The following FANCE variants were observed in gnomAD, a reference collection of about 807,000 sequenced individuals.
The protein encoded by FANCE is Fanconi anemia group E protein.
FANCE carries 42 observed loss-of-function variants against 57.8 expected under a neutral mutation model. The observed-to-expected ratio is 0.73, with a 90% CI of 0.57 to 0.94. The LOEUF (loss-of-function observed/expected upper bound fraction) is 0.94, where lower values mean the gene tolerates loss of function less well. Among genes scored for constraint, FANCE ranks in the 40% least tolerant of loss-of-function variants. The pLI is 0.00. For synonymous variants in FANCE, 251 were observed against 286.4 expected (o/e 0.88, Z 1.25); for missense variants, 608 against 661.8 (o/e 0.92, Z 0.89).
intron 5 of FANCE, 52 bp downstream of exon 5, chr6:35,458,492 C>T (rs1767444218): frequency 6.2e-7 from 1 of 1,605,428 alleles, no homozygotes; most frequent in Admixed American, 1.7e-5. Context: ...GGAAGAGCAA[C>T]TGGGCCCTCA....
At chr6:35,458,859 C>T (rs972287678) in intron 5 of FANCE, among the ~76,000 whole-genome samples, 6 of 152,138 alleles carry the variant, frequency 3.9e-5, no homozygotes, top group African/African-American at 7.2e-5. Context: ...TGGCTCACTG[C>T]GACCTCTGCC....
At chr6:35,464,536 C>T (rs1181149014) in intron 9 of FANCE, among the ~76,000 whole-genome samples, 2 of 149,360 alleles carry the variant, frequency 1.3e-5, no homozygotes, top group Admixed American at 6.7e-5. Flanking sequence ...CGTGCCCGGC[C>T]GAGACAGGGT....
In FANCE at chr6:35,466,508, G is replaced by A; in HGVS notation, c.*163G>A. On this transcript the variant is annotated 3_prime_UTR_variant, in exon 10 of 10. Coordinates refer to ENST00000229769, the MANE Select transcript of FANCE (RefSeq NM_021922.3). ...TGTTACAGGCTGCATAGGGAATATT[G>A]GCTTCCCAGCCAGCAGGGAGGCTCC... is the stretch of plus-strand genomic sequence containing the variant. 1.5e-6 allele frequency: 1 copy of A among 663,926 alleles called. No individual in the cohort carries two copies. The highest frequency in any genetic ancestry group is 2.8e-6 in the Non-Finnish European group (1 of 362,812). The allele number at this position is 663,926 out of a possible 1,614,324, so 41.1% of individuals were successfully genotyped here. A position where few individuals can be genotyped will look rare whatever the true frequency, so the allele number is the denominator to read the frequency against.
At position 35,459,837 on chromosome 6, in the gene FANCE, C is replaced by T. The variant is rs1767514998; in HGVS notation, c.1316+77C>T. On this transcript the variant is annotated intron_variant, in intron 7 of 9. Coordinates refer to ENST00000229769, the MANE Select transcript of FANCE (RefSeq NM_021922.3). ...TAGAGTGACATCACATGTGTTGGGC[C>T]CTGCAGGGAAGGCTTACCTTCTCTA... is the stretch of plus-strand genomic sequence containing the variant. 5 of 1,335,746 alleles carry T rather than the reference C, an allele frequency of 3.7e-6. No homozygotes were observed. In the South Asian group the frequency reaches 4.7e-5, roughly 13 times the overall value. 82.7% of individuals were successfully genotyped at this position (1,335,746 alleles called of 1,614,324 possible). A position where few individuals can be genotyped will look rare whatever the true frequency, so the allele number is the denominator to read the frequency against.
At chr6:35,465,409 T>C (rs1029275304) in intron 9 of FANCE, among the ~76,000 whole-genome samples, 1 of 151,870 alleles carries the variant, frequency 6.6e-6, no homozygotes, top group Admixed American at 6.6e-5. Context: ...ATGCCTGACC[T>C]CACATGATCC....
chr6:35,457,503 G>A (rs1471503260), intron 2 of FANCE, 53 bp from the exon 3 acceptor site: 3 of 1,602,370 alleles, frequency 1.9e-6, no homozygotes, highest in Non-Finnish European at 2.6e-6. Flanking sequence ...AACCGGGCTT[G>A]GGGTCATGCT....
Position 35,458,398 on chromosome 6 carries a change from C to T in FANCE, c.1071C>T (p.Leu357=), listed in dbSNP as rs3823434. 48,474 of 1,614,144 alleles carry T rather than the reference C, an allele frequency of 0.03. 1,347 individuals are homozygous for T. The highest frequency in any genetic ancestry group is 0.15 in the East Asian group (6,910 of 44,876). ...WLLALSPDLS[L]SNATVLTRSL... ...TGGCCCTTTCACCTGATCTCAGCCT[C>T]AGCAATGCTACTGTGCTGACCAGAA... The change falls in exon 5 of 10, where the codon CTC becomes CTT. Residue 357 remains leucine (L), a synonymous_variant. Transcript: ENST00000229769.
intron 4 of FANCE, 135 bp from the exon 5 acceptor site, chr6:35,458,162 G>C: frequency 1.5e-6 from 2 of 1,354,968 alleles, no homozygotes; most frequent in African/African-American, 1.4e-5. Flanking sequence ...CCTTCCCCTA[G>C]GGCAGCTCTC....
intron 5 of FANCE, 40 bp from the exon 6 acceptor site, chr6:35,459,288 TGAA>T (rs1561792146): frequency 6.2e-7 from 1 of 1,611,958 alleles, no homozygotes; most frequent in Admixed American, 1.7e-5. Flanking sequence ...GCTGTTGAAA[TGAA>T]GAAGAAAATA....
At position 35,462,844 on chromosome 6, in the gene FANCE, G is replaced by A; in HGVS notation, c.1439G>A (p.Gly480Glu). 6.2e-7 allele frequency: 1 copy of A among 1,614,204 alleles called. No homozygotes were observed. The highest frequency in any genetic ancestry group is 8.5e-7 in the Non-Finnish European group (1 of 1,180,032). ...TTAATGGAGAAGCTCTGTAAAAAGG[G>A]GCTGGCAGCCACCACCTCCATGGCC... ...SVLMEKLCKKGLAATTSMAYA... is the reference protein window; with the variant it reads ...SVLMEKLCKKELAATTSMAYA... Residue 480 changes from glycine (G) to glutamate (E), a missense_variant, in exon 9 of 10, where the codon GGG becomes GAG. By Grantham distance (98) the Gly-to-Glu change is moderately conservative. Transcript: ENST00000229769.
Position 35,458,422 on chromosome 6 carries a change from A to C in FANCE, c.1095A>C (p.Arg365Ser), listed in dbSNP as rs141268133. 173 of 1,614,134 alleles carry C rather than the reference A, an allele frequency of 1.1e-4. No homozygotes were observed. In the African/African-American group the frequency reaches 2.1e-3, roughly 20 times the overall value. Reference sequence around the variant, plus strand: ...TCAGCAATGCTACTGTGCTGACCAGAAGCCTCTTTCTTGGACGGGTAGGTG... The same window carrying C: ...TCAGCAATGCTACTGTGCTGACCAGCAGCCTCTTTCTTGGACGGGTAGGTG... ...LSLSNATVLTRSLFLGRILSL... is the reference protein window; with the variant it reads ...LSLSNATVLTSSLFLGRILSL... Residue 365 changes from arginine to serine, a missense_variant, in exon 5 of 10, where the codon AGA (arginine) becomes AGC (serine). By Grantham distance (110) the Arg-to-Ser change is moderately radical. Transcript: ENST00000229769.
chr6:35,457,525 G>T, intron 2 of FANCE, 31 bp from the exon 3 acceptor site: 1 of 1,612,912 alleles, frequency 6.2e-7, no homozygotes, highest in Non-Finnish European at 8.5e-7. Flanking sequence ...CAGGGGGAGG[G>T]ACGTAGCAGT....
intron 1 of FANCE, among the ~76,000 whole-genome samples, chr6:35,453,964 A>C (rs773168442): frequency 6.6e-6 from 1 of 152,204 alleles, no homozygotes; most frequent in African/African-American, 2.4e-5. Context: ...TGGCACTAAA[A>C]CAGGTTAAAA....
intron 8 of FANCE, 109 bp downstream of exon 8, chr6:35,460,727 A>ACAGCTGCCCTAGAG: frequency 2.0e-6 from 2 of 992,818 alleles, no homozygotes; most frequent in Non-Finnish European, 3.1e-6. Context: ...GTCAAGCAGG[A>ACAGCTGCCCTAGAG]CAGCTGCCCT....
intron 4 of FANCE, among the ~76,000 whole-genome samples, 154 bp from the exon 5 acceptor site, chr6:35,458,143 C>T (rs544874614): frequency 1.3e-5 from 2 of 152,246 alleles, no homozygotes; most frequent in South Asian, 2.1e-4. Flanking sequence ...TATCTTTTAG[C>T]CCTTGGTTCC....
chr6:35,461,448 GC>G (rs1289456319), intron 8 of FANCE, among the ~76,000 whole-genome samples: 2 of 151,952 alleles, frequency 1.3e-5, no homozygotes, highest in African/African-American at 4.8e-5. Context: ...AGGGGAATCC[GC>G]CCCCCTCCAG....
At chr6:35,459,938 G>A (rs1013592821) in intron 7 of FANCE, among the ~76,000 whole-genome samples, 178 bp downstream of exon 7, 3 of 152,096 alleles carry the variant, frequency 2.0e-5, no homozygotes, top group Non-Finnish European at 1.5e-5. Context: ...TTCTCACGAT[G>A]CACTTTCTAC....
intron 5 of FANCE, 48 bp from the exon 6 acceptor site, chr6:35,459,283 T>C: frequency 3.1e-6 from 5 of 1,610,856 alleles, no homozygotes; most frequent in Non-Finnish European, 3.4e-6. Context: ...TAAATGCTGT[T>C]GAAATGAAGA....
At chr6:35,463,010 C>A in intron 9 of FANCE, 96 bp downstream of exon 9, 1 of 1,562,126 alleles carries the variant, frequency 6.4e-7, no homozygotes, top group South Asian at 1.1e-5. Flanking sequence ...GGATAAAACC[C>A]TGAGTGCTGG....
Sources: allele counts gnomAD v4.1 joint callset (sites outside exome capture counted in the v4.1 genomes callset), GRCh38; gene constraint gnomAD v4.1.1; transcripts MANE v1.5; gene names NCBI Gene and HGNC (gene_info 2026-07-23, HGNC 2026-07-21).